Variants in RGS17 observed in about 807,000 individuals in gnomAD.
RGS17 encodes the protein regulator of G-protein signaling 17.
In RGS17, 12 loss-of-function variants were observed where a neutral mutation model predicts 25.5. That is an observed-to-expected ratio of 0.47 (90% CI 0.30 to 0.76). The LOEUF is 0.76. RGS17 is among the 30% of genes least tolerant of loss of function. RGS17 has a pLI of 0.07. For missense variants in RGS17, 196 were observed against 242.2 expected (o/e 0.81, Z 1.27); for synonymous variants, 71 against 76.9 (o/e 0.92, Z 0.40).
intron 1 of RGS17, among the ~76,000 whole-genome samples, chr6:153,115,873 CAGA>C (rs1344502277): frequency 6.6e-6 from 1 of 152,090 alleles, no homozygotes; most frequent in Non-Finnish European, 1.5e-5. Flanking sequence ...TAGCCATATG[CAGA>C]AAACTGAAAC....
At chr6:153,084,587 C>A (rs530988574) in intron 1 of RGS17, among the ~76,000 whole-genome samples, 2 of 152,208 alleles carry the variant, frequency 1.3e-5, no homozygotes, top group South Asian at 4.1e-4. Flanking sequence ...GAAAAGGCTG[C>A]AGGGTTAAGG....
chr6:153,039,371 C>T (rs1776292443), intron 2 of RGS17, among the ~76,000 whole-genome samples: 1 of 152,114 alleles, frequency 6.6e-6, no homozygotes, highest in Admixed American at 6.6e-5. Context: ...TAGCTAAAGA[C>T]AGAACCATTC....
chr6:153,056,869 T>A (rs866596912), intron 1 of RGS17, among the ~76,000 whole-genome samples: 10 of 151,554 alleles, frequency 6.6e-5, no homozygotes, highest in Middle Eastern at 3.5e-3. Context: ...TGTGTGTGTG[T>A]GTGTGTGTGT....
At chr6:153,103,428 G>C (rs914314577) in intron 1 of RGS17, among the ~76,000 whole-genome samples, 8 of 152,270 alleles carry the variant, frequency 5.3e-5, no homozygotes, top group African/African-American at 1.9e-4. Flanking sequence ...GTTGGCTTCT[G>C]TCACCGGCTC....
chr6:153,124,198 T>C (rs1278687367), intron 1 of RGS17, among the ~76,000 whole-genome samples: 1 of 152,208 alleles, frequency 6.6e-6, no homozygotes, highest in Non-Finnish European at 1.5e-5. Flanking sequence ...TGACCAGTAC[T>C]CACTAGATAA....
Position 153,127,497 on chromosome 6 carries a change from G to A in RGS17, c.-26+3627C>T, listed in dbSNP as rs187154610. Among the ~76,000 whole-genome samples the A allele has an allele frequency of 4.6e-3, 703 of 152,188 alleles. 9 individuals carry two copies. The highest frequency in any genetic ancestry group is 0.016 in the Admixed American group (251 of 15,292). On this transcript the variant is annotated intron_variant, in intron 1 of 4. Transcript: ENST00000206262. Reference sequence around the variant, plus strand: ...CATCCTGCCTTCATCCCTCTTGTATGTCTGAGGAAACTGAGGCTCAGGACA... The same window carrying A: ...CATCCTGCCTTCATCCCTCTTGTATATCTGAGGAAACTGAGGCTCAGGACA...
At chr6:153,023,592 C>T (rs1486240666) in intron 4 of RGS17, among the ~76,000 whole-genome samples, 12 of 152,196 alleles carry the variant, frequency 7.9e-5, no homozygotes, top group Admixed American at 7.2e-4. Context: ...TGATTAGGTA[C>T]ATTTTGGCAA....
intron 1 of RGS17, among the ~76,000 whole-genome samples, chr6:153,072,979 A>T (rs1024842287): frequency 1.3e-5 from 2 of 152,198 alleles, no homozygotes; most frequent in African/African-American, 2.4e-5. Flanking sequence ...AAGCTTTACA[A>T]ACTCAGAAAA....
At chr6:153,092,874 G>A (rs1053741403) in intron 1 of RGS17, among the ~76,000 whole-genome samples, 5 of 152,074 alleles carry the variant, frequency 3.3e-5, no homozygotes, top group Admixed American at 1.3e-4. Context: ...TTCCCTCTAT[G>A]ATTCGCTTTC....
At chr6:153,037,691 T>C (rs1776267586) in intron 2 of RGS17, among the ~76,000 whole-genome samples, 1 of 152,158 alleles carries the variant, frequency 6.6e-6, no homozygotes, top group Non-Finnish European at 1.5e-5. Context: ...CCCAAAGGGC[T>C]GGGATTACAG....
rs184387285 is a variant in RGS17 at position 153,026,747 on chromosome 6, T to C, written c.120-204A>G. Among the ~76,000 whole-genome samples, 13 of 152,322 alleles carry C rather than the reference T, an allele frequency of 8.5e-5. No homozygotes were observed. The East Asian group carries it at 1.7e-3, about 20-fold the overall frequency. Reference sequence around the variant, plus strand: ...AGAATAATTTTTAAATAAAATTATATAGTAAATCAGACTCCCAAAAGTGGA... The same window carrying C: ...AGAATAATTTTTAAATAAAATTATACAGTAAATCAGACTCCCAAAAGTGGA... On this transcript the variant is annotated intron_variant, in intron 2 of 4. Coordinates refer to ENST00000206262, the MANE Select transcript of RGS17 (RefSeq NM_012419.5).
At chr6:153,107,758 A>G (rs1777406401) in intron 1 of RGS17, among the ~76,000 whole-genome samples, 1 of 152,180 alleles carries the variant, frequency 6.6e-6, no homozygotes, top group Non-Finnish European at 1.5e-5. Flanking sequence ...CTCCACATCT[A>G]TCATTTCAAA....
chr6:153,104,227 T>C (rs529421021), intron 1 of RGS17, among the ~76,000 whole-genome samples: 2 of 152,340 alleles, frequency 1.3e-5, no homozygotes, highest in African/African-American at 2.4e-5. Context: ...ATTGCACAGA[T>C]AGTAGATAAA....
intron 4 of RGS17, among the ~76,000 whole-genome samples, chr6:153,021,910 G>C (rs1779251495): frequency 6.6e-6 from 1 of 152,090 alleles, no homozygotes; most frequent in Non-Finnish European, 1.5e-5. Flanking sequence ...TCAAAAGAAA[G>C]AAATTAGGTG....
At chr6:153,046,312 T>C (rs1423096044) in intron 1 of RGS17, among the ~76,000 whole-genome samples, 1 of 151,978 alleles carries the variant, frequency 6.6e-6, no homozygotes, top group Non-Finnish European at 1.5e-5. Context: ...AACAATAATA[T>C]ATAGTTTTAA....
chr6:153,026,970 A>C (rs758342149), intron 2 of RGS17, among the ~76,000 whole-genome samples: 7 of 152,136 alleles, frequency 4.6e-5, no homozygotes, highest in Non-Finnish European at 8.8e-5. Flanking sequence ...ATTTTCCCCG[A>C]TTGAGAGCTA....
intron 4 of RGS17, among the ~76,000 whole-genome samples, chr6:153,018,514 TGTAAA>T (rs1449167915): frequency 2.0e-5 from 3 of 152,200 alleles, no homozygotes; most frequent in Non-Finnish European, 4.4e-5. Context: ...ATGAAGCCAA[TGTAAA>T]GTAATTAATA....
At chr6:153,115,732 G>A (rs1777534583) in intron 1 of RGS17, among the ~76,000 whole-genome samples, 1 of 152,082 alleles carries the variant, frequency 6.6e-6, no homozygotes, top group African/African-American at 2.4e-5. Context: ...AAGATATATA[G>A]AGCAATGGAA....
chr6:153,025,209 G>T (rs1779286580), intron 3 of RGS17, among the ~76,000 whole-genome samples: 1 of 151,986 alleles, frequency 6.6e-6, no homozygotes, highest in Non-Finnish European at 1.5e-5. Flanking sequence ...AGCTATTTGG[G>T]AGTTGAGGCA....
Sources: gnomAD v4.1 joint callset for allele counts (sites outside exome capture counted in the v4.1 genomes callset) on GRCh38, gnomAD v4.1.1 for gene constraint, MANE v1.5 for transcripts, NCBI Gene and HGNC (gene_info 2026-07-23, HGNC 2026-07-21) for gene names.